Variants in BAG4 observed in about 807,000 individuals in gnomAD.
The protein encoded by BAG4 is BAG family molecular chaperone regulator 4.
BAG4 carries 28 observed loss-of-function variants against 52.1 expected under a neutral mutation model. The ratio of observed to expected loss-of-function variants is 0.54; its 90% CI spans 0.40 to 0.74. The LOEUF (loss-of-function observed/expected upper bound fraction) is 0.74, where lower values mean the gene tolerates loss of function less well. BAG4 is among the 30% of genes least tolerant of loss of function. The pLI, the probability that BAG4 is intolerant of heterozygous loss-of-function variation, is 0.00. For missense variants in BAG4, 525 were observed against 572.0 expected (o/e 0.92, Z 0.84); for synonymous variants, 208 against 217.0 (o/e 0.96, Z 0.37).
At chr8:38,199,974 A>C (rs936382918) in intron 2 of BAG4, among the ~76,000 whole-genome samples, 1 of 150,192 alleles carries the variant, frequency 6.7e-6, no homozygotes, top group Non-Finnish European at 1.5e-5. Flanking sequence ...CTGTTGAAAG[A>C]CTATGTTTTT....
At chr8:38,203,056 T>C (rs918449629) in intron 2 of BAG4, 1 of 152,226 alleles carries the variant, frequency 6.6e-6, no homozygotes, top group Non-Finnish European at 1.5e-5. Context: ...AAACAGAGAA[T>C]TACAATTTCA....
rs186718737 is a variant in BAG4, at chr8:38,197,423, A to G, written c.378+4628A>G. Among the ~76,000 whole-genome samples the G allele has an allele frequency of 2.8e-4, 43 of 152,362 alleles. No homozygotes were observed. In the East Asian group the frequency reaches 7.1e-3, roughly 25 times the overall value. On this transcript the variant is annotated intron_variant, in intron 2 of 4. Coordinates refer to ENST00000287322, the MANE Select transcript of BAG4 (RefSeq NM_004874.4). ...GGTTAGTACTGGTGTATCTAAACACATCTAAATATAGAAAAGATACAGTAA... is the reference window on the plus strand; with the variant it reads ...GGTTAGTACTGGTGTATCTAAACACGTCTAAATATAGAAAAGATACAGTAA...
chr8:38,212,138 T>C lies in BAG4; in HGVS notation c.*1645T>C, dbSNP rs886855592. ...CTAGGATTTTATTTTTGGCCTAATA[T>C]AGGAATGTTTAAAAAAGGCTTTTCT... On this transcript the variant is annotated 3_prime_UTR_variant, in exon 5 of 5. Transcript: ENST00000287322. 2.0e-4 allele frequency: 30 copies of C among 152,144 alleles called. No homozygotes were observed. Among genetic ancestry groups the C allele is most frequent in the Admixed American group, 1.8e-3 (27 of 15,258 alleles). 9.4% of individuals were successfully genotyped at this position (152,144 alleles called of 1,614,324 possible).
intron 2 of BAG4, among the ~76,000 whole-genome samples, chr8:38,202,559 C>CTTTT (rs577407833): frequency 1.4e-5 from 2 of 142,958 alleles, no homozygotes; most frequent in South Asian, 2.2e-4. Context: ...GCTCGGCCCC[C>CTTTT]TTTTTTTTTT....
intron 1 of BAG4, 129 bp downstream of exon 1, chr8:38,177,268 C>T: frequency 7.8e-7 from 1 of 1,274,430 alleles, no homozygotes; most frequent in Admixed American, 2.9e-5. Flanking sequence ...TTGGAGAGAC[C>T]GAGACTAAGA....
At chr8:38,190,392 AATTAT>A (rs1306908138) in intron 1 of BAG4, among the ~76,000 whole-genome samples, 7 of 152,014 alleles carry the variant, frequency 4.6e-5, no homozygotes, top group African/African-American at 1.7e-4. Context: ...GAATTATTTG[AATTAT>A]ATTCTGTGTG....
chr8:38,183,659 T>C (rs1563279395), intron 1 of BAG4, among the ~76,000 whole-genome samples: 1 of 152,148 alleles, frequency 6.6e-6, no homozygotes, highest in Non-Finnish European at 1.5e-5. Flanking sequence ...GGCTTCTGAT[T>C]CCTTTGGACA....
chr8:38,189,040 C>T (rs946305349), intron 1 of BAG4, among the ~76,000 whole-genome samples: 21 of 151,604 alleles, frequency 1.4e-4, no homozygotes, highest in African/African-American at 5.1e-4. Flanking sequence ...TTCACTACAC[C>T]TCTGCTTCCT....
chr8:38,193,740 ATTTT>A (rs1307318707), intron 2 of BAG4, among the ~76,000 whole-genome samples: 2 of 90,810 alleles, frequency 2.2e-5, no homozygotes, highest in Admixed American at 1.1e-4. Context: ...TAATTTTTTG[ATTTT>A]TTTTTTTTTT....
chr8:38,201,310 CT>C (rs1803658637), intron 2 of BAG4, among the ~76,000 whole-genome samples: 1 of 152,000 alleles, frequency 6.6e-6, no homozygotes, highest in East Asian at 1.9e-4. Flanking sequence ...TTATCATCAT[CT>C]TTTTTTTGTT....
At chr8:38,201,968 A>G (rs934567697) in intron 2 of BAG4, 1 of 137,154 alleles carries the variant, frequency 7.3e-6, no homozygotes. Context: ...TTAGCCTGCC[A>G]TGTGCCAGGT....
intron 2 of BAG4, among the ~76,000 whole-genome samples, chr8:38,203,618 A>G (rs1313154593): frequency 6.6e-6 from 1 of 151,996 alleles, no homozygotes; most frequent in South Asian, 2.1e-4. Flanking sequence ...TTACAGACAT[A>G]TGTAGGACAA....
Position 38,210,710 on chromosome 8 carries a change from T to C in BAG4, c.*217T>C, listed in dbSNP as rs1803854552. 2 of 532,948 alleles carry C rather than the reference T, an allele frequency of 3.8e-6. No homozygotes were observed. Among genetic ancestry groups the C allele is most frequent in the East Asian group, 4.0e-5 (1 of 25,078 alleles). The allele number at this position is 532,948 out of a possible 1,614,324, so 33.0% of individuals were successfully genotyped here. A position where few individuals can be genotyped will look rare whatever the true frequency, so the allele number is the denominator to read the frequency against. ...GACGAATGAATGTAATAGGAAACTA[T>C]GGAGTTACCAATATTGCCAAGTAGA... On this transcript the variant is annotated 3_prime_UTR_variant, in exon 5 of 5. Transcript: ENST00000287322.
Position 38,209,437 on chromosome 8 carries a change from A to G in BAG4, c.888+170A>G, listed in dbSNP as rs1803831781. On this transcript the variant is annotated intron_variant, in intron 4 of 4. Coordinates refer to ENST00000287322, the MANE Select transcript of BAG4 (RefSeq NM_004874.4). ...CGGTTTCCTTTTTCTTTTTTTTAATAGACTTTATATTTAGAGAAGATTTAG... is the reference window on the plus strand; with the variant it reads ...CGGTTTCCTTTTTCTTTTTTTTAATGGACTTTATATTTAGAGAAGATTTAG... The G allele has an allele frequency of 6.4e-6, 5 of 780,330 alleles. No individual in the cohort carries two copies. In the South Asian group the frequency reaches 1.1e-4, roughly 17 times the overall value. The allele number at this position is 780,330 out of a possible 1,614,324, so 48.3% of individuals were successfully genotyped here.
chr8:38,205,921 CTT>C (rs869059707), intron 2 of BAG4, among the ~76,000 whole-genome samples: 73 of 138,270 alleles, frequency 5.3e-4, no homozygotes, highest in African/African-American at 1.6e-3. Flanking sequence ...TTAAAAATTA[CTT>C]TTTTTTTTTT....
In BAG4 at chr8:38,212,735, G is replaced by A. The variant is rs1585671066; in HGVS notation, c.*2242G>A. 1 of 152,126 alleles carries A rather than the reference G, an allele frequency of 6.6e-6. No homozygotes were observed. The highest frequency in any genetic ancestry group is 1.5e-5 in the Non-Finnish European group (1 of 68,038). 9.4% of individuals were successfully genotyped at this position (152,126 alleles called of 1,614,324 possible). A position where few individuals can be genotyped will look rare whatever the true frequency, so the allele number is the denominator to read the frequency against. On this transcript the variant is annotated 3_prime_UTR_variant, in exon 5 of 5. Transcript: ENST00000287322. ...GCTAAGGTGGTGTCTGCTAGGATTC[G>A]CTACTGTAAACTTACTGTGTTTTCC...
At chr8:38,202,631 CCT>C (rs1803700418) in intron 2 of BAG4, among the ~76,000 whole-genome samples, 1 of 151,296 alleles carries the variant, frequency 6.6e-6, no homozygotes, top group South Asian at 2.1e-4. Flanking sequence ...GCCTCAATCT[CCT>C]CTGGCTCAGG....
intron 1 of BAG4, among the ~76,000 whole-genome samples, chr8:38,180,941 ATT>A (rs56111009): frequency 3.6e-4 from 50 of 138,264 alleles, no homozygotes; most frequent in Admixed American, 1.4e-3. Context: ...ATCTATCACT[ATT>A]TTTTTTTTTT....
At chr8:38,192,465 C>T (rs966162938) in intron 1 of BAG4, among the ~76,000 whole-genome samples, 2 of 151,948 alleles carry the variant, frequency 1.3e-5, no homozygotes, top group Non-Finnish European at 2.9e-5. Context: ...TTTTAAGAGA[C>T]GGGGTCTCTC....
Sources: gnomAD v4.1 joint callset for allele counts (sites outside exome capture counted in the v4.1 genomes callset) on GRCh38, gnomAD v4.1.1 for gene constraint, MANE v1.5 for transcripts, NCBI Gene and HGNC (gene_info 2026-07-23, HGNC 2026-07-21) for gene names.